Variants in NR3C2 observed in about 807,000 individuals in gnomAD.
NR3C2 encodes the protein nuclear receptor subfamily 3 group C member 2.
In NR3C2, 15 loss-of-function variants were observed where a neutral mutation model predicts 86.4. The observed-to-expected ratio is 0.17, with a 90% CI of 0.12 to 0.27. NR3C2 has a LOEUF of 0.27. NR3C2 is among the 10% of genes least tolerant of loss of function. The probability of loss-of-function intolerance (pLI) is 1.00; values close to 1 mark genes in which losing one functional copy is unlikely to be tolerated. For synonymous variants in NR3C2, 458 were observed against 450.5 expected, an observed-to-expected ratio of 1.02 and a Z score of -0.21; for missense variants, 960 against 1,195.6, an observed-to-expected ratio of 0.80 and a Z score of 2.91.
intron 2 of NR3C2, among the ~76,000 whole-genome samples, chr4:148,267,487 T>C (rs2149880223): frequency 6.6e-6 from 1 of 152,266 alleles, no homozygotes; most frequent in East Asian, 1.9e-4. Flanking sequence ...TTCTGTATTA[T>C]ATTCTTCTGT....
chr4:148,404,394 C>T (rs1748311468), intron 2 of NR3C2, among the ~76,000 whole-genome samples: 1 of 152,078 alleles, frequency 6.6e-6, no homozygotes, highest in Admixed American at 6.5e-5. Flanking sequence ...AAATGTGGTA[C>T]ACTAATAGTC....
In NR3C2 at chr4:148,394,251, C is replaced by G. The variant is rs571315143; in HGVS notation, c.1757+40853G>C. On this transcript the variant is annotated intron_variant, in intron 2 of 8. Transcript: ENST00000358102. ...CAGAAAACTGTCCAGCCAAGCCCAC[C>G]CAAAACTGCAGAATTACCAGCAAAT... Among the ~76,000 whole-genome samples the G allele has an allele frequency of 3.9e-5, 6 of 152,086 alleles. No individual in the cohort carries two copies. The South Asian group carries it at 1.2e-3, about 32-fold the overall frequency.
chr4:148,354,909 T>C (rs1419468702), intron 2 of NR3C2, among the ~76,000 whole-genome samples: 1 of 152,180 alleles, frequency 6.6e-6, no homozygotes, highest in Non-Finnish European at 1.5e-5. Flanking sequence ...AAAAACATTA[T>C]ACTCCAAATT....
intron 6 of NR3C2, among the ~76,000 whole-genome samples, chr4:148,126,577 T>C (rs1732757610): frequency 6.6e-6 from 1 of 152,264 alleles, no homozygotes; most frequent in South Asian, 2.1e-4. Context: ...GTTTCTGTTA[T>C]CAGATGTGTT....
intron 2 of NR3C2, among the ~76,000 whole-genome samples, chr4:148,300,547 C>T (rs1175084108): frequency 6.7e-6 from 1 of 149,202 alleles, no homozygotes; most frequent in African/African-American, 2.5e-5. Context: ...GGTTTTTTCT[C>T]AGTCAACTGA....
intron 2 of NR3C2, among the ~76,000 whole-genome samples, chr4:148,411,194 A>G (rs1322961053): frequency 6.6e-6 from 1 of 150,704 alleles, no homozygotes; most frequent in East Asian, 1.9e-4. Flanking sequence ...GTTCCAAACT[A>G]TTTTTGTTTT....
intron 2 of NR3C2, among the ~76,000 whole-genome samples, chr4:148,302,980 A>G (rs1050388395): frequency 1.3e-5 from 2 of 152,170 alleles, no homozygotes; most frequent in Non-Finnish European, 2.9e-5. Flanking sequence ...GCTCAACTTT[A>G]GAAAGTCCTA....
intron 2 of NR3C2, among the ~76,000 whole-genome samples, chr4:148,285,617 G>A (rs1741481197): frequency 1.3e-5 from 2 of 152,170 alleles, no homozygotes; most frequent in South Asian, 4.1e-4. Context: ...TAAGGCAGGA[G>A]AATCGCTTGA....
intron 2 of NR3C2, among the ~76,000 whole-genome samples, chr4:148,292,604 C>G (rs1741852048): frequency 6.6e-6 from 1 of 152,054 alleles, no homozygotes; most frequent in African/African-American, 2.4e-5. Flanking sequence ...CATTACAGTA[C>G]AAAACAATCC....
At chr4:148,338,362 G>A (rs533750445) in intron 2 of NR3C2, among the ~76,000 whole-genome samples, 2 of 152,154 alleles carry the variant, frequency 1.3e-5, no homozygotes, top group South Asian at 2.1e-4. Flanking sequence ...AATATTTAAA[G>A]AGCTAAATGT....
intron 2 of NR3C2, among the ~76,000 whole-genome samples, chr4:148,335,934 G>C (rs1333989268): frequency 1.3e-5 from 2 of 152,154 alleles, no homozygotes; most frequent in East Asian, 3.8e-4. Context: ...GTATACCCAA[G>C]TATATCATGC....
At chr4:148,236,981 G>T (rs888725679) in intron 3 of NR3C2, among the ~76,000 whole-genome samples, 4 of 152,176 alleles carry the variant, frequency 2.6e-5, no homozygotes, top group African/African-American at 9.7e-5. Context: ...ACTAGTAAGG[G>T]AAAGAAGCCA....
chr4:148,415,037 A>C (rs1472068100), intron 2 of NR3C2, among the ~76,000 whole-genome samples: 1 of 152,256 alleles, frequency 6.6e-6, no homozygotes, highest in Non-Finnish European at 1.5e-5. Context: ...AAAATCTGTT[A>C]GGCTCAAAAT....
chr4:148,162,765 G>T (rs529097952), intron 4 of NR3C2, among the ~76,000 whole-genome samples: 1 of 152,126 alleles, frequency 6.6e-6, no homozygotes, highest in African/African-American at 2.4e-5. Flanking sequence ...GAGGTGGCTC[G>T]TGCCTCCCTG....
chr4:148,360,982 C>T (rs1209123789), intron 2 of NR3C2, among the ~76,000 whole-genome samples: 3 of 152,070 alleles, frequency 2.0e-5, no homozygotes, highest in African/African-American at 4.8e-5. Context: ...ACCCAAGGCC[C>T]CTTGCAACAT....
intron 2 of NR3C2, among the ~76,000 whole-genome samples, chr4:148,324,367 T>TGTGTG (rs1561043273): frequency 6.4e-4 from 45 of 70,570 alleles, no homozygotes; most frequent in African/African-American, 1.8e-3. Context: ...GTGTGTGTGT[T>TGTGTG]TGTGTGTGTG....
Position 148,363,226 on chromosome 4 carries a change from C to G in NR3C2, c.1757+71878G>C, listed in dbSNP as rs920503527. On this transcript the variant is annotated intron_variant, in intron 2 of 8. Transcript: ENST00000358102. Reference sequence around the variant, plus strand: ...AATTTACTTTTCCTACAACATATTGCTTTTGTATTCTTTTCTGCTTTTAGT... The same window carrying G: ...AATTTACTTTTCCTACAACATATTGGTTTTGTATTCTTTTCTGCTTTTAGT... Among the ~76,000 whole-genome samples the G allele has an allele frequency of 5.9e-5, 9 of 152,256 alleles. No homozygotes were observed. The East Asian group carries it at 1.4e-3, about 23-fold the overall frequency.
intron 2 of NR3C2, among the ~76,000 whole-genome samples, chr4:148,344,589 G>A (rs905905134): frequency 6.6e-6 from 1 of 152,150 alleles, no homozygotes; most frequent in African/African-American, 2.4e-5. Context: ...ATTAGCAGGA[G>A]CTGGAATACA....
chr4:148,131,292 G>C (rs1415986313), intron 6 of NR3C2, among the ~76,000 whole-genome samples: 1 of 152,178 alleles, frequency 6.6e-6, no homozygotes, highest in Non-Finnish European at 1.5e-5. Flanking sequence ...CAGCTGACCT[G>C]AAAGACCAGA....
Sources: allele counts gnomAD v4.1 joint callset (sites outside exome capture counted in the v4.1 genomes callset), GRCh38; gene constraint gnomAD v4.1.1; transcripts MANE v1.5; gene names NCBI Gene and HGNC (gene_info 2026-07-23, HGNC 2026-07-21).